Variants in CHRM3 observed in about 807,000 individuals in gnomAD.
The protein encoded by CHRM3 is cholinergic receptor muscarinic 3.
CHRM3 carries 11 observed loss-of-function variants against 41.8 expected under a neutral mutation model. That is an observed-to-expected ratio of 0.26 (90% CI 0.17 to 0.44). The LOEUF (loss-of-function observed/expected upper bound fraction) is 0.44. CHRM3 is among the 20% of genes least tolerant of loss of function. The pLI is 1.00. For missense variants in CHRM3, 571 were observed against 745.4 expected (o/e 0.77, Z 2.72); for synonymous variants, 297 against 301.4 (o/e 0.99, Z 0.15).
chr1:239,529,907 T>A (rs2148321094), intron 2 of CHRM3, among the ~76,000 whole-genome samples: 1 of 151,314 alleles, frequency 6.6e-6, no homozygotes, highest in East Asian at 2.0e-4. Flanking sequence ...ATTATTATTA[T>A]TTTTTTTTGA....
chr1:239,843,697 T>A (rs563894289), intron 6 of CHRM3, among the ~76,000 whole-genome samples: 1 of 152,118 alleles, frequency 6.6e-6, no homozygotes, highest in Non-Finnish European at 1.5e-5. Flanking sequence ...ATTGCTGACA[T>A]AGAAGTAGCA....
chr1:239,901,392 C>T (rs1679553341), intron 6 of CHRM3, among the ~76,000 whole-genome samples: 1 of 151,728 alleles, frequency 6.6e-6, no homozygotes, highest in South Asian at 2.1e-4. Context: ...CTTTGTCCAT[C>T]ACCCTCAATC....
At chr1:239,874,765 C>G (rs1676974907) in intron 6 of CHRM3, among the ~76,000 whole-genome samples, 1 of 151,472 alleles carries the variant, frequency 6.6e-6, no homozygotes, top group African/African-American at 2.4e-5. Flanking sequence ...ATGGCGTGAT[C>G]TCGGCTCGCT....
intron 5 of CHRM3, among the ~76,000 whole-genome samples, chr1:239,766,215 C>A (rs1166229332): frequency 6.6e-6 from 1 of 152,048 alleles, no homozygotes; most frequent in Non-Finnish European, 1.5e-5. Context: ...GGCTTATTAT[C>A]AAATGTAGGA....
At chr1:239,651,318 G>A (rs1351977883) in intron 4 of CHRM3, among the ~76,000 whole-genome samples, 1 of 152,208 alleles carries the variant, frequency 6.6e-6, no homozygotes, top group Non-Finnish European at 1.5e-5. Flanking sequence ...AATGTAGGTG[G>A]AGATAGGATT....
intron 4 of CHRM3, among the ~76,000 whole-genome samples, chr1:239,654,543 C>A (rs1051258569): frequency 1.3e-5 from 2 of 152,100 alleles, no homozygotes; most frequent in Non-Finnish European, 2.9e-5. Flanking sequence ...GGACTACAGG[C>A]ACACACCACC....
At chr1:239,584,396 C>T (rs1401711439) in intron 3 of CHRM3, among the ~76,000 whole-genome samples, 1 of 152,032 alleles carries the variant, frequency 6.6e-6, no homozygotes, top group African/African-American at 2.4e-5. Flanking sequence ...GAGTCACTGC[C>T]ACTATGCTTT....
intron 5 of CHRM3, among the ~76,000 whole-genome samples, chr1:239,726,183 T>C (rs1176325074): frequency 1.3e-5 from 2 of 151,986 alleles, no homozygotes; most frequent in African/African-American, 4.8e-5. Context: ...ACCTTTGTTC[T>C]AGCACATTGT....
intron 6 of CHRM3, among the ~76,000 whole-genome samples, chr1:239,884,018 G>C (rs1677860571): frequency 6.6e-6 from 1 of 152,186 alleles, no homozygotes; most frequent in Non-Finnish European, 1.5e-5. Context: ...CACATCAGCT[G>C]TAGTTTGATG....
chr1:239,809,646 C>T (rs114701999), intron 5 of CHRM3, among the ~76,000 whole-genome samples: 1,915 of 152,094 alleles, frequency 0.013, 45 homozygotes, highest in African/African-American at 0.044. Context: ...TACAGGTGCA[C>T]GTCACACCAC....
At chr1:239,689,540 C>T (rs1042672042) in intron 5 of CHRM3, among the ~76,000 whole-genome samples, 2 of 152,120 alleles carry the variant, frequency 1.3e-5, no homozygotes, top group Non-Finnish European at 2.9e-5. Context: ...AGAAAACATA[C>T]AGTTATGCCT....
chr1:239,739,909 G>A (rs1441934389), intron 5 of CHRM3, among the ~76,000 whole-genome samples: 3 of 152,106 alleles, frequency 2.0e-5, no homozygotes, highest in Non-Finnish European at 2.9e-5. Context: ...CTTAAGACAC[G>A]AACATGAGAT....
At chr1:239,881,243 C>A (rs583088) in intron 6 of CHRM3, among the ~76,000 whole-genome samples, 64,275 of 132,228 alleles carry the variant, frequency 0.49, 16,892 homozygotes, top group East Asian at 0.63. Flanking sequence ...AGATCCCGCC[C>A]CTGCACTCCA....
chr1:239,528,053 C>T (rs541421712), intron 2 of CHRM3, among the ~76,000 whole-genome samples: 4 of 152,200 alleles, frequency 2.6e-5, no homozygotes, highest in South Asian at 2.1e-4. Flanking sequence ...AAATGAGGAC[C>T]CTCAAAGGGC....
At chr1:239,693,556 AAT>A (rs1659910490) in intron 5 of CHRM3, among the ~76,000 whole-genome samples, 1 of 152,174 alleles carries the variant, frequency 6.6e-6, no homozygotes, top group Admixed American at 6.5e-5. Context: ...CAAGCGGACT[AAT>A]ATTTAGAGGC....
At chr1:239,901,130 G>A (rs915090801) in intron 6 of CHRM3, among the ~76,000 whole-genome samples, 1 of 152,174 alleles carries the variant, frequency 6.6e-6, no homozygotes, top group Non-Finnish European at 1.5e-5. Flanking sequence ...CTGGGCACCA[G>A]ACAGGAGGGC....
chr1:239,824,491 T>C (rs1163084914), intron 5 of CHRM3, among the ~76,000 whole-genome samples: 1 of 152,204 alleles, frequency 6.6e-6, no homozygotes, highest in East Asian at 1.9e-4. Context: ...AAACCTCTTA[T>C]CTACAGATAA....
At chr1:239,762,891 T>C (rs113228609) in intron 5 of CHRM3, among the ~76,000 whole-genome samples, 2,655 of 152,278 alleles carry the variant, frequency 0.017, 78 homozygotes, top group African/African-American at 0.06. Context: ...TAAAAATGAG[T>C]TGAAAATGAA....
intron 2 of CHRM3, among the ~76,000 whole-genome samples, chr1:239,509,369 A>C (rs1177406711): frequency 3.9e-5 from 6 of 152,206 alleles, no homozygotes; most frequent in African/African-American, 1.4e-4. Context: ...AATAACCAAT[A>C]ATATGCTATT....
Sources: gnomAD v4.1 joint callset for allele counts (sites outside exome capture counted in the v4.1 genomes callset) on GRCh38, gnomAD v4.1.1 for gene constraint, MANE v1.5 for transcripts, NCBI Gene and HGNC (gene_info 2026-07-23, HGNC 2026-07-21) for gene names.